Variants in PUDP observed in about 807,000 individuals in gnomAD.
PUDP encodes the protein pseudouridine 5'-phosphatase, also known as pseudouridine-5'-phosphatase.
A neutral mutation model predicts 9.4 loss-of-function variants in PUDP; 8 were observed. That is an observed-to-expected ratio of 0.85 (90% CI 0.50 to 1.53). The LOEUF (loss-of-function observed/expected upper bound fraction) is 1.53, where lower values mean the gene tolerates loss of function less well. Ranked by LOEUF, PUDP falls within the 40% of genes most tolerant of loss-of-function variation. The probability of loss-of-function intolerance (pLI) is 0.00; values close to 1 mark genes in which losing one functional copy is unlikely to be tolerated. For missense variants in PUDP, 188 were observed against 189.7 expected, an observed-to-expected ratio of 0.99 and a Z score of 0.05; for synonymous variants, 99 against 80.7, an observed-to-expected ratio of 1.23 and a Z score of -1.22.
intron 3 of PUDP, among the ~76,000 whole-genome samples, chrX:6,809,979 C>T (rs1007355461): frequency 9.0e-6 from 1 of 110,567 alleles, no homozygotes; most frequent in Admixed American, 9.7e-5. Flanking sequence ...ACTTGGGATG[C>T]TAAGGTGGGA....
intron 1 of PUDP, among the ~76,000 whole-genome samples, chrX:7,135,993 A>T (rs1932732653): frequency 9.0e-6 from 1 of 111,581 alleles, no homozygotes; most frequent in Non-Finnish European, 1.9e-5. Flanking sequence ...ATTGTCACAA[A>T]AATGTCTTTT....
chrX:7,081,709 G>A (rs773415493), intron 2 of PUDP, among the ~76,000 whole-genome samples: 1 of 113,128 alleles, frequency 8.8e-6, no homozygotes, highest in Non-Finnish European at 1.9e-5. Context: ...GAGATTACGG[G>A]ACATCCGTCA....
At chrX:6,838,379 T>C (rs138986745) in intron 3 of PUDP, among the ~76,000 whole-genome samples, 1,864 of 112,485 alleles carry the variant, frequency 0.017, 33 homozygotes, top group African/African-American at 0.058. Flanking sequence ...AGAATTAAAA[T>C]TGTCACGCAG....
chrX:6,765,614 A>C (rs1925275585), intron 3 of PUDP, among the ~76,000 whole-genome samples: 1 of 112,084 alleles, frequency 8.9e-6, no homozygotes. Flanking sequence ...ACTAATAAGC[A>C]ATGTTATCAA....
At chrX:6,876,518 A>C (rs1927255936) in intron 3 of PUDP, among the ~76,000 whole-genome samples, 1 of 110,424 alleles carries the variant, frequency 9.1e-6, no homozygotes, top group Non-Finnish European at 1.9e-5. Context: ...ATATAGACAT[A>C]TACATATATA....
intron 3 of PUDP, among the ~76,000 whole-genome samples, chrX:6,944,725 A>C (rs1490520004): frequency 7.2e-5 from 8 of 111,145 alleles, no homozygotes; most frequent in African/African-American, 2.6e-4. Flanking sequence ...AGAAGCCTGG[A>C]TCCCTGAAAA....
chrX:6,814,403 A>T (rs1245162266), intron 3 of PUDP, among the ~76,000 whole-genome samples: 1 of 111,170 alleles, frequency 9.0e-6, no homozygotes, highest in Non-Finnish European at 1.9e-5. Flanking sequence ...CCAAATCGCC[A>T]CGAATGCCAC....
At chrX:7,140,621 G>C (rs969614354) in intron 1 of PUDP, among the ~76,000 whole-genome samples, 70 of 110,895 alleles carry the variant, frequency 6.3e-4, no homozygotes, top group African/African-American at 2.2e-3. Context: ...AGATAAAAAG[G>C]ACCAAATAAT....
chrX:7,089,005 G>T (rs1260885390), intron 2 of PUDP, among the ~76,000 whole-genome samples: 1 of 112,028 alleles, frequency 8.9e-6, no homozygotes, highest in Non-Finnish European at 1.9e-5. Flanking sequence ...CAAAGTTTAA[G>T]TTCTAAGCCT....
intron 1 of PUDP, among the ~76,000 whole-genome samples, chrX:6,991,060 T>C (rs1304314228): frequency 9.0e-6 from 1 of 111,530 alleles, no homozygotes; most frequent in Admixed American, 9.5e-5. Context: ...TTGGTCAGGT[T>C]TGGGCTTGTG....
chrX:6,762,467 G>T (rs139829221), intron 3 of PUDP, among the ~76,000 whole-genome samples: 251 of 111,558 alleles, frequency 2.2e-3, no homozygotes, highest in African/African-American at 7.3e-3. Context: ...TCTCCTGTTG[G>T]CTCAGAATAG....
chrX:6,743,904 T>C (rs1290845253), intron 3 of PUDP, among the ~76,000 whole-genome samples: 2 of 112,137 alleles, frequency 1.8e-5, no homozygotes, highest in East Asian at 5.6e-4. Flanking sequence ...TTTGGTGTCA[T>C]TTATAATGAC....
At chrX:6,998,610 T>A (rs994692499) in intron 1 of PUDP, among the ~76,000 whole-genome samples, 2 of 112,269 alleles carry the variant, frequency 1.8e-5, no homozygotes, top group Non-Finnish European at 3.8e-5. Context: ...ATAATGAAAG[T>A]AACCTCAATT....
chrX:6,836,126 T>C (rs1298676443), intron 3 of PUDP, among the ~76,000 whole-genome samples: 2 of 111,901 alleles, frequency 1.8e-5, no homozygotes, highest in East Asian at 5.5e-4. Context: ...TTAAAATTTG[T>C]ATTTTATGCA....
At chrX:7,080,488 A>C (rs571545245) in intron 2 of PUDP, among the ~76,000 whole-genome samples, 5 of 111,893 alleles carry the variant, frequency 4.5e-5, no homozygotes, top group Middle Eastern at 9.1e-3. Flanking sequence ...CTGATCCCAA[A>C]ACCAGACAAA....
chrX:6,955,394 T>C (rs180935514), intron 3 of PUDP, among the ~76,000 whole-genome samples: 85 of 110,582 alleles, frequency 7.7e-4, no homozygotes, highest in African/African-American at 2.7e-3. Flanking sequence ...GTATTCTTTT[T>C]GTTTTTTGTA....
chrX:6,918,327 C>T (rs1235904490), intron 3 of PUDP, among the ~76,000 whole-genome samples: 1 of 112,202 alleles, frequency 8.9e-6, no homozygotes, highest in Non-Finnish European at 1.9e-5. Context: ...CATTTGTAAA[C>T]CAGTCTCAGA....
At chrX:6,788,914 A>T (rs1925691860) in intron 3 of PUDP, among the ~76,000 whole-genome samples, 1 of 112,086 alleles carries the variant, frequency 8.9e-6, no homozygotes, top group South Asian at 3.7e-4. Context: ...GCTCAGGGAA[A>T]GTTTCTTTGA....
At chrX:7,110,648 G>C (rs1932019045) in intron 1 of PUDP, among the ~76,000 whole-genome samples, 1 of 111,530 alleles carries the variant, frequency 9.0e-6, no homozygotes, top group Non-Finnish European at 1.9e-5. Context: ...GGTACAGGCA[G>C]ACTGAGTCCG....
Sources: gnomAD v4.1 joint callset for allele counts (sites outside exome capture counted in the v4.1 genomes callset) on GRCh38, gnomAD v4.1.1 for gene constraint, MANE v1.5 for transcripts, NCBI Gene and HGNC (gene_info 2026-07-23, HGNC 2026-07-21) for gene names.